The following LRP1B variants were observed in gnomAD, a reference collection of about 807,000 sequenced individuals.
LRP1B encodes the protein LDL receptor related protein 1B.
Under a neutral mutation model 556.6 loss-of-function variants are expected in LRP1B, and 217 were observed. The ratio of observed to expected loss-of-function variants is 0.39; its 90% CI spans 0.35 to 0.44. LRP1B has a LOEUF of 0.44. Among genes scored for constraint, LRP1B ranks in the 20% least tolerant of loss-of-function variants. The probability of loss-of-function intolerance (pLI) is 1.00; values close to 1 mark genes in which losing one functional copy is unlikely to be tolerated. For synonymous variants in LRP1B, 2,047 were observed against 1,865.8 expected, an observed-to-expected ratio of 1.10 and a Z score of -2.50; for missense variants, 5,053 against 5,620.8, an observed-to-expected ratio of 0.90 and a Z score of 3.23.
At chr2:141,225,729 A>T (rs1019185949) in intron 6 of LRP1B, among the ~76,000 whole-genome samples, 4 of 152,182 alleles carry the variant, frequency 2.6e-5, no homozygotes, top group Non-Finnish European at 5.9e-5. Flanking sequence ...CCCAAGGTTC[A>T]TTAATACACT....
At chr2:140,880,608 TA>T (rs139645383) in intron 25 of LRP1B, among the ~76,000 whole-genome samples, 1 of 150,660 alleles carries the variant, frequency 6.6e-6, no homozygotes, top group Non-Finnish European at 1.5e-5. Context: ...TTGGCATCTG[TA>T]AAAAAAAAGG....
At position 140,693,015 on chromosome 2, in the gene LRP1B, AATTC is replaced by A. The variant is rs1162270876; in HGVS notation, c.6799+7231_6799+7234del. Among the ~76,000 whole-genome samples the A allele has an allele frequency of 1.7e-4, 26 of 152,174 alleles. 2 individuals are homozygous for A. Among genetic ancestry groups the A allele is most frequent in the African/African-American group, 4.6e-4 (19 of 41,516 alleles). On this transcript the variant is annotated intron_variant, in intron 41 of 90. Coordinates refer to ENST00000389484, the MANE Select transcript of LRP1B (RefSeq NM_018557.3). ...TAAATTGTTCTAGTATAATTCATTA[AATTC>A]ATTATTTTTCAATTTATTTGTAATG...
intron 1 of LRP1B, among the ~76,000 whole-genome samples, chr2:142,108,899 C>G (rs901839634): frequency 3.3e-5 from 5 of 152,104 alleles, no homozygotes; most frequent in East Asian, 1.9e-4. Context: ...ATTTTTGTCT[C>G]CAGCCTTCAG....
chr2:141,293,394 C>G (rs905683825), intron 3 of LRP1B, among the ~76,000 whole-genome samples: 1 of 152,148 alleles, frequency 6.6e-6, no homozygotes, highest in Non-Finnish European at 1.5e-5. Context: ...TGCCCTCTCT[C>G]AGAGTCTGAA....
chr2:140,935,181 G>A (rs570158255), intron 20 of LRP1B, among the ~76,000 whole-genome samples: 2 of 152,160 alleles, frequency 1.3e-5, no homozygotes, highest in Middle Eastern at 3.4e-3. Context: ...CCAATGAAAA[G>A]TATCTCTGAC....
At chr2:141,291,632 G>A (rs1005875322) in intron 3 of LRP1B, among the ~76,000 whole-genome samples, 1 of 151,990 alleles carries the variant, frequency 6.6e-6, no homozygotes, top group Non-Finnish European at 1.5e-5. Context: ...CGAGGCAGGC[G>A]GATCACGAGG....
Position 140,234,913 on chromosome 2 carries a change from T to A in LRP1B, c.13561-29A>T, listed in dbSNP as rs766074516. The A allele has an allele frequency of 1.1e-5, 8 of 752,820 alleles. No homozygotes were observed. In the Admixed American group the frequency reaches 1.5e-4, roughly 14 times the overall value. 46.6% of individuals were successfully genotyped at this position (752,820 alleles called of 1,614,324 possible). A position where few individuals can be genotyped will look rare whatever the true frequency, so the allele number is the denominator to read the frequency against. On this transcript the variant is annotated intron_variant, in intron 89 of 90. Coordinates refer to ENST00000389484, the MANE Select transcript of LRP1B (RefSeq NM_018557.3). The stretch of plus-strand genomic sequence containing the variant: ...TATATAAACAGAAAATTTTAGTTTC[T>A]GATCTAATATTATAGAATCACTTTT...
At chr2:140,467,041 C>G (rs113244763) in intron 60 of LRP1B, among the ~76,000 whole-genome samples, 1 of 151,980 alleles carries the variant, frequency 6.6e-6, no homozygotes, top group Admixed American at 6.5e-5. Context: ...AATCTCTAAG[C>G]TAAGGTATAT....
At chr2:140,455,417 C>T (rs1158312315) in intron 62 of LRP1B, among the ~76,000 whole-genome samples, 1 of 152,120 alleles carries the variant, frequency 6.6e-6, no homozygotes. Flanking sequence ...GAACTTTTCC[C>T]ATTTAATCTG....
At chr2:140,813,185 T>A (rs956879222) in intron 32 of LRP1B, among the ~76,000 whole-genome samples, 1 of 152,138 alleles carries the variant, frequency 6.6e-6, no homozygotes, top group Admixed American at 6.6e-5. Flanking sequence ...AAATCTCTAC[T>A]CACTCCAAAA....
At chr2:142,069,431 G>C (rs1193775216) in intron 1 of LRP1B, among the ~76,000 whole-genome samples, 2 of 151,448 alleles carry the variant, frequency 1.3e-5, no homozygotes, top group Non-Finnish European at 3.0e-5. Context: ...GAAGACCTTT[G>C]AATGATGACT....
intron 17 of LRP1B, among the ~76,000 whole-genome samples, chr2:140,983,961 A>G (rs1265681748): frequency 6.6e-6 from 1 of 151,896 alleles, no homozygotes; most frequent in Non-Finnish European, 1.5e-5. Flanking sequence ...ATTTAATTCC[A>G]CATATTTTCT....
intron 1 of LRP1B, among the ~76,000 whole-genome samples, chr2:141,814,644 C>G: frequency 6.6e-6 from 1 of 152,024 alleles, no homozygotes; most frequent in Non-Finnish European, 1.5e-5. Flanking sequence ...ATATTTGAAC[C>G]CAAATCTATG....
chr2:141,571,909 C>T (rs1559148446), intron 2 of LRP1B, among the ~76,000 whole-genome samples: 1 of 152,150 alleles, frequency 6.6e-6, no homozygotes, highest in Non-Finnish European at 1.5e-5. Flanking sequence ...TGAACAAAGC[C>T]TCCAAGAAAT....
chr2:142,116,581 A>T (rs990431654), intron 1 of LRP1B, among the ~76,000 whole-genome samples: 2 of 152,132 alleles, frequency 1.3e-5, no homozygotes, highest in Non-Finnish European at 2.9e-5. Flanking sequence ...AATAAAATCT[A>T]TACCCTCATT....
rs545398009 is a variant in LRP1B at position 141,816,186 on chromosome 2, G to A, written c.83-5785C>T. On this transcript the variant is annotated intron_variant, in intron 1 of 90. Transcript: ENST00000389484. ...GGAAAATATGCAAACCAACTGTGAT[G>A]GCTAATACTGTCAACTTGATTGCAT... 3.9e-5 allele frequency among the ~76,000 whole-genome samples: 6 copies of A among 152,248 alleles called. No individual in the cohort carries two copies. The East Asian group carries it at 9.7e-4, about 25-fold the overall frequency.
intron 2 of LRP1B, among the ~76,000 whole-genome samples, chr2:141,592,213 A>G (rs889731676): frequency 6.6e-6 from 1 of 152,096 alleles, no homozygotes. Context: ...AAGGGCAGGG[A>G]CTTGTCTTAG....
intron 1 of LRP1B, among the ~76,000 whole-genome samples, chr2:142,021,433 C>A (rs1043752797): frequency 1.3e-5 from 2 of 151,922 alleles, no homozygotes; most frequent in Non-Finnish European, 2.9e-5. Flanking sequence ...CAGATGAGCA[C>A]AAAAGTACTA....
chr2:141,464,388 C>A lies in LRP1B; in HGVS notation c.343+16008G>T, dbSNP rs72989023. Among the ~76,000 whole-genome samples the A allele has an allele frequency of 3.7e-3, 560 of 150,714 alleles. 2 individuals are homozygous for A. The highest frequency in any genetic ancestry group is 0.013 in the African/African-American group (520 of 41,152). On this transcript the variant is annotated intron_variant, in intron 3 of 90. Transcript: ENST00000389484. ...TGGAATGTGTATTGGATATACTATGCATTCTATCTGATATGTTGTTTTTGC... is the reference window on the plus strand; with the variant it reads ...TGGAATGTGTATTGGATATACTATGAATTCTATCTGATATGTTGTTTTTGC...
Sources: gnomAD v4.1 joint callset for allele counts (sites outside exome capture counted in the v4.1 genomes callset) on GRCh38, gnomAD v4.1.1 for gene constraint, MANE v1.5 for transcripts, NCBI Gene and HGNC (gene_info 2026-07-23, HGNC 2026-07-21) for gene names.